RCC1L: variants seen among roughly 807,000 people sequenced by gnomAD.
RCC1L encodes RCC1-like G exchanging factor-like protein.
In RCC1L, 46 loss-of-function variants were observed where a neutral mutation model predicts 58.6. That is an observed-to-expected ratio of 0.79 (90% CI 0.62 to 1.00). The LOEUF (loss-of-function observed/expected upper bound fraction) is 1.00, where lower values mean the gene tolerates loss of function less well. RCC1L is among the 50% of genes least tolerant of loss of function. The probability of loss-of-function intolerance (pLI) is 0.00; values close to 1 mark genes in which losing one functional copy is unlikely to be tolerated. For missense variants in RCC1L, 636 were observed against 623.6 expected (o/e 1.02, Z -0.21); for synonymous variants, 281 against 262.9 (o/e 1.07, Z -0.67).
At chr7:75,067,193 C>T (rs1341457945) in intron 2 of RCC1L, among the ~76,000 whole-genome samples, 1 of 151,800 alleles carries the variant, frequency 6.6e-6, no homozygotes, top group Non-Finnish European at 1.5e-5. Flanking sequence ...CCCAGCTACT[C>T]GGGAGGCTGA....
intron 3 of RCC1L, among the ~76,000 whole-genome samples, chr7:75,066,374 A>G (rs1554445123): frequency 6.6e-6 from 1 of 152,082 alleles, no homozygotes; most frequent in African/African-American, 2.4e-5. Context: ...GAATGGCGTG[A>G]ACCCAGGAGG....
Position 75,073,578 on chromosome 7 carries a change from G to A in RCC1L, c.160C>T (p.Arg54Cys). Residue 54 changes from arginine (R) to cysteine (C), a missense_variant, in exon 1 of 11, where the codon CGC (arginine) becomes TGC (cysteine). By Grantham distance (180) the Arg-to-Cys change is radical. Coordinates refer to ENST00000610322, the MANE Select transcript of RCC1L (RefSeq NM_030798.5). ...AAGACGCGATCGGCGCGGGCAGCGC[G>A]CTCGCCCACGTACTGGACCACGGGC... ...EVPVVQYVGE[R>C]AARADRVFVW... 1 of 1,511,096 alleles carries A rather than the reference G, an allele frequency of 6.6e-7. No individual in the cohort carries two copies. 93.6% of individuals were successfully genotyped at this position (1,511,096 alleles called of 1,614,324 possible).
downstream of RCC1L, chr7:75,042,160 AT>A: frequency 1.0e-6 from 1 of 984,402 alleles, no homozygotes; most frequent in Non-Finnish European, 1.2e-6. Flanking sequence ...ATCAAGTAAG[AT>A]TTAAGAAGAT....
chr7:75,058,810 T>G lies in RCC1L; in HGVS notation c.788-41A>C, dbSNP rs1806172961. 1.9e-6 allele frequency: 3 copies of G among 1,611,882 alleles called. No individual in the cohort carries two copies. In the African/African-American group the frequency reaches 4.0e-5, roughly 21 times the overall value. On this transcript the variant is annotated intron_variant, in intron 6 of 10. Transcript: ENST00000610322. ...ATACAGATTTTTAATTATTCGCTCT[T>G]TTAACAAACACATAGGCAGACTTAC...
intron 10 of RCC1L, among the ~76,000 whole-genome samples, chr7:75,043,688 G>A (rs1237946268): frequency 1.3e-5 from 2 of 152,138 alleles, no homozygotes; most frequent in Admixed American, 6.5e-5. Flanking sequence ...GGTGGCAGGC[G>A]CCTGTAATCC....
intron 8 of RCC1L, chr7:75,056,528 G>A (rs1477379329): frequency 6.6e-7 from 1 of 1,518,260 alleles, no homozygotes; most frequent in African/African-American, 1.4e-5. Context: ...GTTATAGAAA[G>A]TTTAATATTC....
chr7:75,046,096 A>T (rs1165892996), intron 10 of RCC1L, among the ~76,000 whole-genome samples: 1 of 152,266 alleles, frequency 6.6e-6, no homozygotes, highest in African/African-American at 2.4e-5. Flanking sequence ...CACCTACGCC[A>T]GGAGACAAGA....
At position 75,056,819 on chromosome 7, in the gene RCC1L, A is replaced by G; in HGVS notation, c.1057+710T>C. 6.6e-6 allele frequency: 8 copies of G among 1,219,556 alleles called. 1 individual carries two copies. The South Asian group carries it at 9.0e-5, about 14-fold the overall frequency. The allele number at this position is 1,219,556 out of a possible 1,614,324, so 75.5% of individuals were successfully genotyped here. Reference sequence around the variant, plus strand: ...AATCCAATGCCATCTTCCCATGGCCATAGTCCCTTCCTTTTTTGAAACAGG... The same window carrying G: ...AATCCAATGCCATCTTCCCATGGCCGTAGTCCCTTCCTTTTTTGAAACAGG... On this transcript the variant is annotated intron_variant, in intron 8 of 10. Transcript: ENST00000610322.
Position 75,073,505 on chromosome 7 carries a change from A to T in RCC1L, c.233T>A (p.Val78Glu), listed in dbSNP as rs1554446475. ...FSGALGVPSF[V>E]VPSSGPGPRA... ...GGGCCCGGGCCCGGAGCTGGGCACC[A>T]CAAAGGAAGGCACGCCCAGCGCCCC... is the stretch of plus-strand genomic sequence containing the variant. The change falls in exon 1 of 11, where the codon GTG becomes GAG. Residue 78 changes from valine (V) to glutamate (E), a missense_variant. By Grantham distance (121) the Val-to-Glu change is moderately radical (BLOSUM62 -2). Transcript: ENST00000610322. 3 of 1,423,904 alleles carry T rather than the reference A, an allele frequency of 2.1e-6. No individual in the cohort carries two copies. The South Asian group carries it at 4.4e-5, about 21-fold the overall frequency. 88.2% of individuals were successfully genotyped at this position (1,423,904 alleles called of 1,614,324 possible).
chr7:75,045,264 C>T (rs1056636202), intron 10 of RCC1L, among the ~76,000 whole-genome samples: 1 of 152,004 alleles, frequency 6.6e-6, no homozygotes, highest in Non-Finnish European at 1.5e-5. Flanking sequence ...ACTACAATGT[C>T]GAACTCCTGG....
intron 10 of RCC1L, among the ~76,000 whole-genome samples, chr7:75,033,692 CAA>C (rs879241870): frequency 5.9e-4 from 79 of 134,270 alleles, no homozygotes; most frequent in Middle Eastern, 3.9e-3. Flanking sequence ...GAGTCTCTAT[CAA>C]AAAAAAAAAA....
chr7:75,056,765 T>G (rs915926535), intron 8 of RCC1L: 59 of 1,506,234 alleles, frequency 3.9e-5, no homozygotes, highest in Non-Finnish European at 5.1e-5. Flanking sequence ...TGTTAAGAAC[T>G]TCATTCACAC....
chr7:75,038,424 G>A (rs1323626262), downstream of RCC1L, among the ~76,000 whole-genome samples: 1 of 151,308 alleles, frequency 6.6e-6, no homozygotes, highest in East Asian at 1.9e-4. Context: ...GTTAATTTTT[G>A]TATTTGTGTT....
Position 75,043,195 on chromosome 7 carries a change from TCTCAGTAGGAGA to T in RCC1L, c.1318-98_1318-87del, listed in dbSNP as rs1484557380. ...TGGTGTTGGCCGACCCGGCCCTGCC[TCTCAGTAGGAGA>T]CTCAGTAGGAGACAGCTTGTCTCAG... On this transcript the variant is annotated intron_variant, in intron 10 of 10. Transcript: ENST00000610322. The T allele has an allele frequency of 7.8e-5, 114 of 1,466,904 alleles. 1 individual carries two copies. In the East Asian group the frequency reaches 2.4e-3, roughly 31 times the overall value. The allele number at this position is 1,466,904 out of a possible 1,614,324, so 90.9% of individuals were successfully genotyped here.
At chr7:75,066,017 CAA>C (rs587689104) in intron 3 of RCC1L, among the ~76,000 whole-genome samples, 6 of 138,900 alleles carry the variant, frequency 4.3e-5, no homozygotes, top group Non-Finnish European at 4.6e-5. Context: ...GACTCTGTCT[CAA>C]AAAAAAAAAA....
At chr7:75,041,282 C>T (rs1047188238), downstream of RCC1L, among the ~76,000 whole-genome samples, 1 of 152,088 alleles carries the variant, frequency 6.6e-6, no homozygotes, top group Non-Finnish European at 1.5e-5. Context: ...ATCCTCTCCT[C>T]CTGCTTTCTC....
chr7:75,051,279 TAC>T (rs1238756972), intron 10 of RCC1L, among the ~76,000 whole-genome samples: 36 of 148,192 alleles, frequency 2.4e-4, no homozygotes, highest in African/African-American at 7.9e-4. Flanking sequence ...CACACATATA[TAC>T]ACACACATAT....
downstream of RCC1L, among the ~76,000 whole-genome samples, chr7:75,040,438 C>T (rs988731848): frequency 1.3e-5 from 2 of 152,102 alleles, no homozygotes; most frequent in South Asian, 2.1e-4. Context: ...CCAGCCTGGG[C>T]AACAGAGAGA....
chr7:75,057,554 A>C lies in RCC1L; in HGVS notation c.1032T>G (p.Gly344=). 6.2e-7 allele frequency: 1 copy of C among 1,613,918 alleles called. No individual in the cohort carries two copies. Among genetic ancestry groups the C allele is most frequent in the Non-Finnish European group, 8.5e-7 (1 of 1,179,854 alleles). Residue 344 remains glycine, a synonymous_variant, in exon 8 of 11, where the codon GGT becomes GGG. Coordinates refer to ENST00000610322, the MANE Select transcript of RCC1L (RefSeq NM_030798.5). ...GVGKVRQAAC[G]GTGCAVLNGE... ...CGTTTAACACTGCACAGCCCGTGCCACCGCATGCAGCCTGTCGCACCTTCC... is the reference window on the plus strand; with the variant it reads ...CGTTTAACACTGCACAGCCCGTGCCCCCGCATGCAGCCTGTCGCACCTTCC...
Sources: gnomAD v4.1 joint callset for allele counts (sites outside exome capture counted in the v4.1 genomes callset) on GRCh38, gnomAD v4.1.1 for gene constraint, MANE v1.5 for transcripts, NCBI Gene and HGNC (gene_info 2026-07-23, HGNC 2026-07-21) for gene names.